Variants in CELF4 observed in about 807,000 individuals in gnomAD.
The protein encoded by CELF4 is CUGBP Elav-like family member 4, also known as CUG-BP- and ETR-3-like factor 4.
A neutral mutation model predicts 59.9 loss-of-function variants in CELF4; 18 were observed. The observed-to-expected ratio is 0.30, with a 90% confidence interval of 0.21 to 0.45. The LOEUF (loss-of-function observed/expected upper bound fraction) is 0.45, where lower values mean the gene tolerates loss of function less well. Among genes scored for constraint, CELF4 ranks in the 20% least tolerant of loss-of-function variants. The pLI is 1.00. For missense variants in CELF4, 456 were observed against 689.0 expected (o/e 0.66, Z 3.79); for synonymous variants, 261 against 267.1 (o/e 0.98, Z 0.22).
chr18:37,318,636 C>T (rs1015920766), intron 3 of CELF4, among the ~76,000 whole-genome samples: 1 of 145,548 alleles, frequency 6.9e-6, no homozygotes, highest in Non-Finnish European at 1.5e-5. Context: ...CACCTCCCCC[C>T]CCCCCCACTT....
intron 2 of CELF4, among the ~76,000 whole-genome samples, chr18:37,483,433 G>A (rs116925431): frequency 0.039 from 5,953 of 152,196 alleles, 177 homozygotes; most frequent in Non-Finnish European, 0.063. Context: ...TCCCTGTGAA[G>A]CCTTTGAAGA....
rs528135087 is a variant in CELF4 at position 37,338,681 on chromosome 18, G to A, written c.370-16800C>T. Among the ~76,000 whole-genome samples the A allele has an allele frequency of 7.2e-5, 11 of 152,056 alleles. No homozygotes were observed. The East Asian group carries it at 1.2e-3, about 16-fold the overall frequency. Reference sequence around the variant, plus strand: ...CATGACTAGCTCGGCCATGACTACCGGTGACCTGAACTCAAAATAAAAGAT... The same window carrying A: ...CATGACTAGCTCGGCCATGACTACCAGTGACCTGAACTCAAAATAAAAGAT... On this transcript the variant is annotated intron_variant, in intron 2 of 12. Transcript: ENST00000420428.
intron 2 of CELF4, among the ~76,000 whole-genome samples, chr18:37,438,276 C>A (rs1198952249): frequency 6.6e-6 from 1 of 152,158 alleles, no homozygotes; most frequent in Non-Finnish European, 1.5e-5. Context: ...TGGTTCCAGA[C>A]TAAATGATGT....
At chr18:37,249,558 G>A (rs2064144999) in intron 12 of CELF4, among the ~76,000 whole-genome samples, 2 of 152,170 alleles carry the variant, frequency 1.3e-5, no homozygotes, top group South Asian at 4.2e-4. Context: ...ACACATGTGT[G>A]GCCCTAGACA....
At chr18:37,488,311 A>G (rs2099886319) in intron 1 of CELF4, among the ~76,000 whole-genome samples, 1 of 152,080 alleles carries the variant, frequency 6.6e-6, no homozygotes. Context: ...TTTGAGGGGC[A>G]GGCTCCCCAT....
chr18:37,461,388 G>T (rs188153434), intron 2 of CELF4, among the ~76,000 whole-genome samples: 2 of 152,176 alleles, frequency 1.3e-5, no homozygotes, highest in Non-Finnish European at 2.9e-5. Flanking sequence ...AAGCAAACTC[G>T]TTCTTCAAAT....
chr18:37,255,189 T>C (rs975327846), intron 11 of CELF4, among the ~76,000 whole-genome samples: 1 of 152,000 alleles, frequency 6.6e-6, no homozygotes, highest in Admixed American at 6.6e-5. Flanking sequence ...AAATGGCCAT[T>C]AGGTATAAGA....
chr18:37,256,528 G>A (rs1214213970), intron 11 of CELF4, among the ~76,000 whole-genome samples: 1 of 152,140 alleles, frequency 6.6e-6, no homozygotes, highest in Non-Finnish European at 1.5e-5. Flanking sequence ...AGGGTTAAAT[G>A]ACTTGTCCAT....
At chr18:37,386,404 C>T (rs560685136) in intron 2 of CELF4, among the ~76,000 whole-genome samples, 56 of 152,082 alleles carry the variant, frequency 3.7e-4, no homozygotes, top group Non-Finnish European at 7.1e-4. Flanking sequence ...ACCTTGCGGT[C>T]GTGGGGAGAG....
chr18:37,274,574 G>A (rs772895723), intron 5 of CELF4, 120 bp from the exon 6 acceptor site: 13 of 1,581,480 alleles, frequency 8.2e-6, no homozygotes, highest in South Asian at 5.6e-5. Context: ...AGGCGGCATC[G>A]GCGCTCGCCC....
chr18:37,522,344 T>A (rs1288855126), intron 1 of CELF4, among the ~76,000 whole-genome samples: 2 of 152,078 alleles, frequency 1.3e-5, no homozygotes, highest in African/African-American at 4.8e-5. Flanking sequence ...GAGCTCCAGA[T>A]GACAGGGACC....
At position 37,264,742 on chromosome 18, in the gene CELF4, G is replaced by A; in HGVS notation, c.1181C>T (p.Ala394Val). The change falls in exon 10 of 13, where the codon GCT (alanine) becomes GTT (valine). Residue 394 changes from alanine (A) to valine (V), a missense_variant. Ala to Val is a moderately conservative substitution (Grantham distance 64). Around this residue, in one of 7 missense-constraint regions of CELF4, gnomAD observed 256 missense variants for 340.8 expected, o/e 0.75. Transcript: ENST00000420428. ...QQYAGPAAYP[A>V]AYGQISQAFP... is the part of the protein sequence containing the mutation. Reference sequence around the variant, plus strand: ...GGCCTGGCTTATCTGACCATAGGCAGCAGGGTAGGCAGCTGCTGGAGGCCC... The same window carrying A: ...GGCCTGGCTTATCTGACCATAGGCAACAGGGTAGGCAGCTGCTGGAGGCCC... 7 of 1,574,576 alleles carry A rather than the reference G, an allele frequency of 4.4e-6. No individual in the cohort carries two copies. Among genetic ancestry groups the A allele is most frequent in the Non-Finnish European group, 6.0e-6 (7 of 1,159,290 alleles).
chr18:37,426,278 T>C (rs1355038710), intron 2 of CELF4, among the ~76,000 whole-genome samples: 2 of 152,138 alleles, frequency 1.3e-5, no homozygotes, highest in Non-Finnish European at 2.9e-5. Context: ...TGACTGAGGG[T>C]AAGTCATGTC....
chr18:37,374,886 G>A (rs1408923388), intron 2 of CELF4, among the ~76,000 whole-genome samples: 2 of 152,220 alleles, frequency 1.3e-5, no homozygotes, highest in Admixed American at 1.3e-4. Context: ...GAGGTTATGA[G>A]GTCATGTAGT....
chr18:37,404,029 T>C (rs1396165060), intron 2 of CELF4, among the ~76,000 whole-genome samples: 1 of 152,194 alleles, frequency 6.6e-6, no homozygotes, highest in Non-Finnish European at 1.5e-5. Context: ...GTCAGCATCT[T>C]CCACCTGAAG....
At chr18:37,513,911 A>T (rs1205746973) in intron 1 of CELF4, among the ~76,000 whole-genome samples, 2 of 148,406 alleles carry the variant, frequency 1.3e-5, no homozygotes, top group East Asian at 4.0e-4. Flanking sequence ...TGAGGCCCTA[A>T]TTTTGTCCCT....
intron 2 of CELF4, among the ~76,000 whole-genome samples, chr18:37,387,252 C>A (rs1205932012): frequency 6.6e-6 from 1 of 152,228 alleles, no homozygotes; most frequent in Non-Finnish European, 1.5e-5. Context: ...GGGGGCTGGG[C>A]CAACTGAACC....
At chr18:37,267,451 T>C (rs1318365300) in intron 8 of CELF4, among the ~76,000 whole-genome samples, 2 of 152,188 alleles carry the variant, frequency 1.3e-5, no homozygotes, top group African/African-American at 4.8e-5. Flanking sequence ...GGCACTGGTT[T>C]TGGCGACCAA....
At chr18:37,535,674 C>T (rs17570197) in intron 1 of CELF4, among the ~76,000 whole-genome samples, 10,028 of 152,214 alleles carry the variant, frequency 0.066, 445 homozygotes, top group East Asian at 0.22. Context: ...TAAGCAGCCA[C>T]GTTCTGAACA....
Sources: gnomAD v4.1 joint callset for allele counts (sites outside exome capture counted in the v4.1 genomes callset) on GRCh38, gnomAD v4.1.1 for gene constraint, gnomAD v4.1.1 regional missense constraint, MANE v1.5 for transcripts, NCBI Gene and HGNC (gene_info 2026-07-23, HGNC 2026-07-21) for gene names.